Variants in CHFR observed in about 807,000 individuals in gnomAD.
The protein encoded by CHFR is checkpoint with forkhead and ring finger domains.
In CHFR, 57 loss-of-function variants were observed where a neutral mutation model predicts 87.6. That is an observed-to-expected ratio of 0.65 (90% confidence interval 0.53 to 0.81). The LOEUF is 0.81. Ranked by LOEUF, CHFR falls within the 30% of genes least tolerant of loss-of-function variation. The pLI, the probability that CHFR is intolerant of heterozygous loss-of-function variation, is 0.00. For missense variants in CHFR, 797 were observed against 865.8 expected (o/e 0.92, Z 1.00); for synonymous variants, 381 against 359.2 (o/e 1.06, Z -0.69).
At chr12:132,877,396 A>G (rs1237522364) in intron 3 of CHFR, among the ~76,000 whole-genome samples, 159 bp downstream of exon 3, 1 of 152,222 alleles carries the variant, frequency 6.6e-6, no homozygotes, top group South Asian at 2.1e-4. Context: ...CCCTGTTGCT[A>G]AGGGACACAT....
chr12:132,886,840 A>G (rs557215580), intron 2 of CHFR, among the ~76,000 whole-genome samples: 1 of 152,304 alleles, frequency 6.6e-6, no homozygotes, highest in South Asian at 2.1e-4. Flanking sequence ...TTGCTTTAAG[A>G]GTGTGGTGTT....
rs1353972186 is a variant in CHFR at position 132,872,284 on chromosome 12, C to T, written c.343+1G>A. ...CCCCGGCAAGCCTTCCTCTCTCTTA[C>T]TGTGTTCCGGTTCATTCTTCCTGTA... is the stretch of plus-strand genomic sequence containing the variant. On this transcript the variant is annotated splice_donor_variant, in intron 4 of 17. Transcript: ENST00000450056. LOFTEE classifies it high-confidence loss of function. 4 of 1,599,940 alleles carry T rather than the reference C, an allele frequency of 2.5e-6. No individual in the cohort carries two copies. The highest frequency in any genetic ancestry group is 3.4e-6 in the Non-Finnish European group (4 of 1,167,172).
Position 132,834,634 on chromosome 12 carries a change from G to C in CHFR, c.*6920C>G, listed in dbSNP as rs968947186. ...CCTCCTCTCCTGGCTGGAGGCCCTT[G>C]CTCCCTCTGCAAAGCACATCCCTCC... On this transcript the variant is annotated 3_prime_UTR_variant, in exon 18 of 18. Coordinates refer to ENST00000450056, the MANE Select transcript of CHFR (RefSeq NM_001161346.2). 3 of 151,666 alleles carry C rather than the reference G, an allele frequency of 2.0e-5. No individual in the cohort carries two copies. Among genetic ancestry groups the C allele is most frequent in the Admixed American group, 6.6e-5 (1 of 15,202 alleles). The allele number at this position is 151,666 out of a possible 1,614,324, so 9.4% of individuals were successfully genotyped here.
rs1448687386 is a variant in CHFR at position 132,839,665 on chromosome 12, CCCCTCT to C, written c.*1883_*1888del. 2 of 173,200 alleles carry C rather than the reference CCCCTCT, an allele frequency of 1.2e-5. No homozygotes were observed. Among genetic ancestry groups the C allele is most frequent in the Non-Finnish European group, 2.5e-5 (2 of 80,540 alleles). The allele number at this position is 173,200 out of a possible 1,614,324, so 10.7% of individuals were successfully genotyped here. A position where few individuals can be genotyped will look rare whatever the true frequency, so the allele number is the denominator to read the frequency against. Reference sequence around the variant, plus strand: ...TCGCCTCTGCACAAACTCAGGACCTCCCCTCTCCCTCACCCCTGCACCAACTCAAGA... The same window carrying C: ...TCGCCTCTGCACAAACTCAGGACCTCCCCTCACCCCTGCACCAACTCAAGA... On this transcript the variant is annotated 3_prime_UTR_variant, in exon 18 of 18. Transcript: ENST00000450056.
intron 4 of CHFR, among the ~76,000 whole-genome samples, chr12:132,871,450 CTG>C (rs1447405771): frequency 6.6e-6 from 1 of 150,970 alleles, no homozygotes; most frequent in African/African-American, 2.4e-5. Context: ...GAGCGAGACT[CTG>C]TCTCTTATTT....
intron 3 of CHFR, among the ~76,000 whole-genome samples, chr12:132,875,602 C>A (rs914940155): frequency 6.6e-6 from 1 of 151,922 alleles, no homozygotes; most frequent in Non-Finnish European, 1.5e-5. Flanking sequence ...TCAGCCTGAG[C>A]CACAGAGCGA....
At chr12:132,871,278 CCT>C (rs1355531207) in intron 4 of CHFR, among the ~76,000 whole-genome samples, 2 of 151,856 alleles carry the variant, frequency 1.3e-5, no homozygotes, top group African/African-American at 4.8e-5. Context: ...ACGGCGAAAC[CCT>C]GTCTGTACTA....
At chr12:132,878,995 TTTTG>T (rs1253823264) in intron 2 of CHFR, among the ~76,000 whole-genome samples, 7 of 136,602 alleles carry the variant, frequency 5.1e-5, no homozygotes, top group African/African-American at 1.9e-4. Context: ...TTGTTTTTTT[TTTTG>T]TTTTTGTTTG....
intron 2 of CHFR, among the ~76,000 whole-genome samples, chr12:132,883,424 C>A (rs1951813755): frequency 8.8e-6 from 1 of 113,942 alleles, no homozygotes; most frequent in African/African-American, 3.2e-5. Context: ...GAAACTCCGT[C>A]TCAAAAAAAA....
intron 7 of CHFR, among the ~76,000 whole-genome samples, chr12:132,860,709 C>T (rs1403134382): frequency 6.6e-6 from 1 of 152,246 alleles, no homozygotes; most frequent in Non-Finnish European, 1.5e-5. Flanking sequence ...ATTTAAGCTA[C>T]ATTTTTAGAA....
At chr12:132,861,916 T>G in intron 6 of CHFR, 1 of 405,140 alleles carries the variant, frequency 2.5e-6, no homozygotes, top group Non-Finnish European at 4.6e-6. Flanking sequence ...GCACCGAGTC[T>G]AACGCAGGGC....
intron 14 of CHFR, chr12:132,847,387 C>G: frequency 8.1e-7 from 1 of 1,236,366 alleles, no homozygotes; most frequent in Non-Finnish European, 1.0e-6. Flanking sequence ...CCAAGACCTA[C>G]ACAGCCCAGG....
chr12:132,872,944 C>T (rs962098365), intron 3 of CHFR, among the ~76,000 whole-genome samples: 3 of 152,148 alleles, frequency 2.0e-5, no homozygotes, highest in Non-Finnish European at 2.9e-5. Flanking sequence ...CAGGGAGAGG[C>T]CAATGCAGAT....
intron 3 of CHFR, among the ~76,000 whole-genome samples, chr12:132,872,808 T>C (rs1327686918): frequency 6.6e-6 from 1 of 152,172 alleles, no homozygotes; most frequent in Non-Finnish European, 1.5e-5. Context: ...CTCCAATGAG[T>C]ACTGATCCCT....
chr12:132,865,837 T>G (rs1396229885), intron 6 of CHFR: 1 of 151,620 alleles, frequency 6.6e-6, no homozygotes, highest in Non-Finnish European at 1.5e-5. Flanking sequence ...TTTTTGTATT[T>G]TTTATATTGT....
At chr12:132,874,068 G>C (rs1951559029) in intron 3 of CHFR, among the ~76,000 whole-genome samples, 1 of 152,326 alleles carries the variant, frequency 6.6e-6, no homozygotes, top group South Asian at 2.1e-4. Context: ...ACCTGGAAAA[G>C]GCAGAGAACA....
rs932816956 is a variant in CHFR, at chr12:132,832,846, TCCAA to T, written c.*8704_*8707del. 7 of 152,340 alleles carry T rather than the reference TCCAA, an allele frequency of 4.6e-5. No homozygotes were observed. The highest frequency in any genetic ancestry group is 1.7e-4 in the African/African-American group (7 of 41,576). 9.4% of individuals were successfully genotyped at this position (152,340 alleles called of 1,614,324 possible). The stretch of plus-strand genomic sequence containing the variant: ...ATGTGCAGAGCTGTGCACCCATCAC[TCCAA>T]CCCAGTTTCCGGATACTTCCGTTAC... On this transcript the variant is annotated 3_prime_UTR_variant, in exon 18 of 18. Transcript: ENST00000450056.
At position 132,839,678 on chromosome 12, in the gene CHFR, C is replaced by G. The variant is rs1950676853; in HGVS notation, c.*1876G>C. 2 of 176,738 alleles carry G rather than the reference C, an allele frequency of 1.1e-5. No homozygotes were observed. Among genetic ancestry groups the G allele is most frequent in the Non-Finnish European group, 2.4e-5 (2 of 82,804 alleles). 10.9% of individuals were successfully genotyped at this position (176,738 alleles called of 1,614,324 possible). On this transcript the variant is annotated 3_prime_UTR_variant, in exon 18 of 18. Transcript: ENST00000450056. ...AACTCAGGACCTCCCCTCTCCCTCACCCCTGCACCAACTCAAGACTTCCCT... is the reference window on the plus strand; with the variant it reads ...AACTCAGGACCTCCCCTCTCCCTCAGCCCTGCACCAACTCAAGACTTCCCT...
chr12:132,844,231 G>T, intron 15 of CHFR, 97 bp from the exon 16 acceptor site: 1 of 746,552 alleles, frequency 1.3e-6, no homozygotes, highest in Non-Finnish European at 2.4e-6. Context: ...GACCATAAAT[G>T]GGGTGAAGAC....
Sources: allele counts gnomAD v4.1 joint callset (sites outside exome capture counted in the v4.1 genomes callset), GRCh38; gene constraint gnomAD v4.1.1; transcripts MANE v1.5; gene names NCBI Gene and HGNC (gene_info 2026-07-23, HGNC 2026-07-21).